ASIC2: variants seen among roughly 807,000 people sequenced by gnomAD.
ASIC2 encodes acid-sensing ion channel 2.
Under a neutral mutation model 57.3 loss-of-function variants are expected in ASIC2, and 25 were observed. The ratio of observed to expected loss-of-function variants is 0.44; its 90% CI spans 0.32 to 0.61. The LOEUF is 0.61. Among genes scored for constraint, ASIC2 ranks in the 20% least tolerant of loss-of-function variants. The pLI is 0.06. For missense variants in ASIC2, 641 were observed against 738.1 expected (o/e 0.87, Z 1.52); for synonymous variants, 319 against 307.5 (o/e 1.04, Z -0.39).
At chr17:33,041,489 T>G (rs947884641) in intron 3 of ASIC2, among the ~76,000 whole-genome samples, 3 of 152,206 alleles carry the variant, frequency 2.0e-5, no homozygotes, top group Non-Finnish European at 2.9e-5. Flanking sequence ...TGATGCTTGC[T>G]TGTTGAATGA....
intron 1 of ASIC2, among the ~76,000 whole-genome samples, chr17:33,401,509 G>A (rs992235327): frequency 1.3e-5 from 2 of 152,176 alleles, no homozygotes; most frequent in South Asian, 2.1e-4. Context: ...TGCCTCCATC[G>A]CTTGGCTGCA....
chr17:33,821,860 G>T (rs1027212483), intron 1 of ASIC2, among the ~76,000 whole-genome samples: 1 of 152,122 alleles, frequency 6.6e-6, no homozygotes, highest in Non-Finnish European at 1.5e-5. Context: ...GTGTTTCTCC[G>T]TGGGGGAACC....
At position 33,292,303 on chromosome 17, in the gene ASIC2, G is replaced by GGC. The variant is rs1345784438; in HGVS notation, c.-190_-189dup. 1.0e-6 allele frequency: 1 copy of GGC among 986,612 alleles called. No homozygotes were observed. Among genetic ancestry groups the GGC allele is most frequent in the Non-Finnish European group, 1.2e-6 (1 of 831,764 alleles). The allele number at this position is 986,612 out of a possible 1,614,324, so 61.1% of individuals were successfully genotyped here. On this transcript the variant is annotated 5_prime_UTR_variant, in exon 1 of 10. Transcript: ENST00000225823. ...CGGCGCCGCCGCTGCCGCCTCCGCG[G>GGC]GCGCCCGCCCGGGGCTGAGCGCCGC...
chr17:33,340,787 G>A (rs1333780825), intron 1 of ASIC2, among the ~76,000 whole-genome samples: 2 of 152,126 alleles, frequency 1.3e-5, no homozygotes, highest in Non-Finnish European at 2.9e-5. Context: ...AGCAAGTGCT[G>A]TGTGTGAATG....
intron 1 of ASIC2, among the ~76,000 whole-genome samples, chr17:33,327,059 T>C (rs1271854979): frequency 6.6e-6 from 1 of 152,174 alleles, no homozygotes; most frequent in Non-Finnish European, 1.5e-5. Flanking sequence ...TCAGTTTCTC[T>C]CAAACTCACC....
chr17:33,510,464 T>C (rs1301054887), intron 1 of ASIC2, among the ~76,000 whole-genome samples: 2 of 151,848 alleles, frequency 1.3e-5, no homozygotes, highest in Non-Finnish European at 2.9e-5. Context: ...GCCAGTATAG[T>C]GAGACCCCAT....
intron 1 of ASIC2, among the ~76,000 whole-genome samples, chr17:33,950,421 G>A (rs1192320491): frequency 2.0e-5 from 3 of 152,228 alleles, no homozygotes; most frequent in Non-Finnish European, 4.4e-5. Flanking sequence ...AGCCAATATC[G>A]AGACAAAGTC....
intron 1 of ASIC2, among the ~76,000 whole-genome samples, chr17:33,510,009 T>A (rs191786362): frequency 2.1e-3 from 325 of 152,346 alleles, no homozygotes; most frequent in African/African-American, 7.4e-3. Context: ...TGTTCCCTTC[T>A]CTTTAAATAG....
At chr17:33,838,173 T>A (rs928858841) in intron 1 of ASIC2, among the ~76,000 whole-genome samples, 1 of 152,196 alleles carries the variant, frequency 6.6e-6, no homozygotes, top group Non-Finnish European at 1.5e-5. Context: ...GGCAACTTTA[T>A]CTCTGCATCT....
intron 1 of ASIC2, among the ~76,000 whole-genome samples, chr17:33,431,654 A>C (rs1911425227): frequency 6.6e-6 from 1 of 152,186 alleles, no homozygotes; most frequent in Non-Finnish European, 1.5e-5. Context: ...ACCATATTTT[A>C]GAGTATTGCA....
chr17:33,574,133 C>A (rs1370201923), intron 1 of ASIC2, among the ~76,000 whole-genome samples: 1 of 152,202 alleles, frequency 6.6e-6, no homozygotes, highest in African/African-American at 2.4e-5. Context: ...CTAAATAATA[C>A]CGAACTGCTC....
Position 33,604,686 on chromosome 17 carries a change from C to T in ASIC2, c.556-492619G>A, listed in dbSNP as rs552025845. Among the ~76,000 whole-genome samples, 15 of 152,036 alleles carry T rather than the reference C, an allele frequency of 9.9e-5. No individual in the cohort carries two copies. In the South Asian group the frequency reaches 2.9e-3, roughly 30 times the overall value. Reference sequence around the variant, plus strand: ...CTGGAGGTGGCTGGAGGAAGAGCAGCCCAGGAGAGCCAGGTAGATGGGCAC... The same window carrying T: ...CTGGAGGTGGCTGGAGGAAGAGCAGTCCAGGAGAGCCAGGTAGATGGGCAC... On this transcript the variant is annotated intron_variant, in intron 1 of 9. Transcript: ENST00000359872.
chr17:33,501,350 T>C (rs1481383014), intron 1 of ASIC2, among the ~76,000 whole-genome samples: 2 of 152,198 alleles, frequency 1.3e-5, no homozygotes, highest in African/African-American at 4.8e-5. Flanking sequence ...GGCAGACACA[T>C]GTCAGAAAAT....
chr17:33,422,487 C>G (rs944196105), intron 1 of ASIC2, among the ~76,000 whole-genome samples: 6 of 152,204 alleles, frequency 3.9e-5, no homozygotes, highest in Non-Finnish European at 8.8e-5. Flanking sequence ...GAGTGAAGCT[C>G]TGGGTGGGCA....
At chr17:33,380,123 G>A (rs888994850) in intron 1 of ASIC2, among the ~76,000 whole-genome samples, 1 of 151,648 alleles carries the variant, frequency 6.6e-6, no homozygotes, top group Admixed American at 6.6e-5. Flanking sequence ...GCACGTGCCT[G>A]TAATCCCAGC....
chr17:33,361,988 G>C (rs1199600020), intron 1 of ASIC2, among the ~76,000 whole-genome samples: 1 of 151,998 alleles, frequency 6.6e-6, no homozygotes, highest in Non-Finnish European at 1.5e-5. Flanking sequence ...TCTTCCAGAC[G>C]AATTTAATTA....
chr17:33,356,289 A>C (rs1481976328), intron 1 of ASIC2, among the ~76,000 whole-genome samples: 2 of 152,100 alleles, frequency 1.3e-5, no homozygotes, highest in African/African-American at 4.8e-5. Context: ...ATGGATCATC[A>C]TTCCATTTTA....
chr17:33,393,297 G>A (rs1030363430), intron 1 of ASIC2, among the ~76,000 whole-genome samples: 1 of 152,052 alleles, frequency 6.6e-6, no homozygotes, highest in Non-Finnish European at 1.5e-5. Flanking sequence ...TGAATGACCT[G>A]TTGTAGCCAT....
chr17:33,362,127 C>T (rs1296232327), intron 1 of ASIC2, among the ~76,000 whole-genome samples: 1 of 152,164 alleles, frequency 6.6e-6, no homozygotes, highest in African/African-American at 2.4e-5. Context: ...GGGTGCCATG[C>T]TCTGTGTGGG....
Sources: allele counts gnomAD v4.1 joint callset (sites outside exome capture counted in the v4.1 genomes callset), GRCh38; gene constraint gnomAD v4.1.1; transcripts MANE v1.5; gene names NCBI Gene and HGNC (gene_info 2026-07-23, HGNC 2026-07-21).